The following JMJD1C variants were observed in gnomAD, a reference collection of about 807,000 sequenced individuals.
JMJD1C encodes the protein jumonji domain-containing protein 1C.
JMJD1C carries 31 observed loss-of-function variants against 245.3 expected under a neutral mutation model. That is an observed-to-expected ratio of 0.13 (90% CI 0.09 to 0.17). JMJD1C has a LOEUF of 0.17. Ranked by LOEUF, JMJD1C falls within the 10% of genes least tolerant of loss-of-function variation. The pLI, the probability that JMJD1C is intolerant of heterozygous loss-of-function variation, is 1.00. For synonymous variants in JMJD1C, 1,057 were observed against 1,017.4 expected (o/e 1.04, Z -0.74); for missense variants, 2,691 against 3,000.2 (o/e 0.90, Z 2.41).
chr10:63,307,093 T>G (rs1047199686), intron 2 of JMJD1C, among the ~76,000 whole-genome samples: 1 of 152,146 alleles, frequency 6.6e-6, no homozygotes, highest in Non-Finnish European at 1.5e-5. Flanking sequence ...AAAGGCAAAA[T>G]TTTTTCATTT....
chr10:63,367,271 T>TA (rs1367696107), intron 2 of JMJD1C, among the ~76,000 whole-genome samples: 1 of 152,122 alleles, frequency 6.6e-6, no homozygotes, highest in Non-Finnish European at 1.5e-5. Context: ...TGTTTTGAGA[T>TA]AGAGTTTCAT....
intron 3 of JMJD1C, among the ~76,000 whole-genome samples, chr10:63,260,512 TG>T (rs1445501233): frequency 1.3e-5 from 2 of 152,166 alleles, no homozygotes; most frequent in African/African-American, 2.4e-5. Context: ...CAAAATTTAA[TG>T]GAAAGTTTTT....
At chr10:63,174,084 G>A (rs1842649901) in intron 24 of JMJD1C, among the ~76,000 whole-genome samples, 1 of 152,160 alleles carries the variant, frequency 6.6e-6, no homozygotes, top group African/African-American at 2.4e-5. Context: ...ACATAACCCT[G>A]CACTGGGAAA....
At chr10:63,386,372 G>A in intron 1 of JMJD1C, among the ~76,000 whole-genome samples, 1 of 152,198 alleles carries the variant, frequency 6.6e-6, no homozygotes, top group East Asian at 1.9e-4. Context: ...TAGCAGGGCT[G>A]CAACATGATG....
At chr10:63,233,223 C>A (rs1850231256) in intron 3 of JMJD1C, among the ~76,000 whole-genome samples, 1 of 152,030 alleles carries the variant, frequency 6.6e-6, no homozygotes, top group Non-Finnish European at 1.5e-5. Flanking sequence ...AAAATGTGTC[C>A]AATTAACCTG....
chr10:63,472,488 C>T (rs1298730057), intron 1 of JMJD1C, among the ~76,000 whole-genome samples: 4 of 152,102 alleles, frequency 2.6e-5, no homozygotes, highest in Non-Finnish European at 4.4e-5. Flanking sequence ...TGTGCCACCA[C>T]GCCTGGCTAA....
intron 1 of JMJD1C, among the ~76,000 whole-genome samples, chr10:63,385,116 C>G (rs1589638822): frequency 6.6e-6 from 1 of 152,130 alleles, no homozygotes; most frequent in Non-Finnish European, 1.5e-5. Context: ...GGGAAAGAGA[C>G]AGGGGAATGG....
At chr10:63,511,450 G>A (rs764960609) in intron 1 of JMJD1C, among the ~76,000 whole-genome samples, 32 of 152,178 alleles carry the variant, frequency 2.1e-4, no homozygotes, top group Middle Eastern at 3.2e-3. Context: ...GGTGGCTCAC[G>A]TCTGTAATCC....
intron 1 of JMJD1C, among the ~76,000 whole-genome samples, chr10:63,411,692 T>C (rs1949492718): frequency 6.7e-6 from 1 of 149,622 alleles, no homozygotes; most frequent in South Asian, 2.1e-4. Flanking sequence ...AACCTCCAAC[T>C]CCTGGGTTCA....
intron 3 of JMJD1C, among the ~76,000 whole-genome samples, chr10:63,231,694 TGA>T (rs1233526597): frequency 6.6e-6 from 1 of 151,982 alleles, no homozygotes; most frequent in Non-Finnish European, 1.5e-5. Flanking sequence ...CTCAGGAGGC[TGA>T]GACAGGAGAA....
intron 2 of JMJD1C, among the ~76,000 whole-genome samples, chr10:63,296,829 T>C (rs1044531074): frequency 6.6e-6 from 1 of 152,204 alleles, no homozygotes; most frequent in Non-Finnish European, 1.5e-5. Context: ...GTTGACAGTA[T>C]GAAGTTCTTA....
chr10:63,392,946 C>T (rs1168174915), intron 1 of JMJD1C, among the ~76,000 whole-genome samples: 1 of 136,748 alleles, frequency 7.3e-6, no homozygotes, highest in South Asian at 2.4e-4. Flanking sequence ...TCTCAAAAGA[C>T]AACATACAAA....
Position 63,215,063 on chromosome 10 carries a change from T to C in JMJD1C, c.1104A>G (p.Arg368=). 6.2e-7 allele frequency: 1 copy of C among 1,603,096 alleles called. No individual in the cohort carries two copies. Among genetic ancestry groups the C allele is most frequent in the Non-Finnish European group, 8.5e-7 (1 of 1,176,988 alleles). Residue 368 remains arginine, a synonymous_variant, in exon 8 of 26, where the codon CGA becomes CGG. Coordinates refer to ENST00000399262, the MANE Select transcript of JMJD1C (RefSeq NM_032776.3). ...CAGAAAAGTCTGAAACATTGTCAGT[T>C]CGAAGTCTTTTCATATTTAGTTTCT... The part of the protein sequence containing the change: ...DEKKLNMKRL[R]TDNVSDFSES...
intron 18 of JMJD1C, among the ~76,000 whole-genome samples, chr10:63,187,611 T>C (rs902596474): frequency 6.6e-6 from 1 of 152,036 alleles, no homozygotes; most frequent in Non-Finnish European, 1.5e-5. Context: ...CTAATTAAAA[T>C]TTTTTGGTAG....
Position 63,193,456 on chromosome 10 carries a change from T to A in JMJD1C, c.5751A>T (p.Leu1917=), listed in dbSNP as rs766410945. Residue 1917 remains leucine, a synonymous_variant, in exon 15 of 26, where the codon CTA becomes CTT. Coordinates refer to ENST00000399262, the MANE Select transcript of JMJD1C (RefSeq NM_032776.3). ...TTTCCCTAAGAGTGTGCATGGCATC[T>A]AGAAGATCTGTCAAAACTACAAAAT... is the stretch of plus-strand genomic sequence containing the variant. ...IIPGSVLTDL[L]DAMHTLREKY... is the part of the protein sequence containing the mutation. 1 of 1,589,284 alleles carries A rather than the reference T, an allele frequency of 6.3e-7. No individual in the cohort carries two copies. Among genetic ancestry groups the A allele is most frequent in the Non-Finnish European group, 8.6e-7 (1 of 1,165,408 alleles).
chr10:63,429,845 A>G (rs999093428), intron 1 of JMJD1C, among the ~76,000 whole-genome samples: 5 of 152,098 alleles, frequency 3.3e-5, no homozygotes, highest in African/African-American at 1.2e-4. Flanking sequence ...AAATTCACCC[A>G]CTCAATTTCC....
Position 63,178,355 on chromosome 10 carries a change from A to C in JMJD1C, c.7085-499T>G, listed in dbSNP as rs559050281. On this transcript the variant is annotated intron_variant, in intron 22 of 25. Transcript: ENST00000399262. ...GTGATTTTCCCAGTTTGTTTTATGC[A>C]AACCAAGAAGCAGGAGATAGAAAAC... Among the ~76,000 whole-genome samples the C allele has an allele frequency of 2.6e-5, 4 of 152,352 alleles. No homozygotes were observed. In the East Asian group the frequency reaches 7.7e-4, roughly 29 times the overall value.
chr10:63,516,195 A>G (rs532245426), intron 1 of JMJD1C, among the ~76,000 whole-genome samples: 41 of 150,826 alleles, frequency 2.7e-4, no homozygotes, highest in African/African-American at 1.0e-3. Context: ...CTTAGACTAA[A>G]TATCTATTAA....
intron 2 of JMJD1C, among the ~76,000 whole-genome samples, chr10:63,320,070 T>G: frequency 6.6e-6 from 1 of 152,152 alleles, no homozygotes; most frequent in Middle Eastern, 3.4e-3. Context: ...CTGACTCAAC[T>G]AATTGTTATA....
Sources: allele counts gnomAD v4.1 joint callset (sites outside exome capture counted in the v4.1 genomes callset), GRCh38; gene constraint gnomAD v4.1.1; transcripts MANE v1.5; gene names NCBI Gene and HGNC (gene_info 2026-07-23, HGNC 2026-07-21).